MEPE: variants seen among roughly 807,000 people sequenced by gnomAD.
MEPE encodes matrix, extracellular phosphoglycoprotein with ASARM motif (bone).
Under a neutral mutation model 7.3 loss-of-function variants are expected in MEPE, and 7 were observed. The ratio of observed to expected loss-of-function variants is 0.95; its 90% confidence interval spans 0.54 to 1.79. The LOEUF (loss-of-function observed/expected upper bound fraction) is 1.79. MEPE is among the 40% of genes most tolerant of loss of function. The probability of loss-of-function intolerance (pLI) is 0.00; values close to 1 mark genes in which losing one functional copy is unlikely to be tolerated. For missense variants in MEPE, 623 were observed against 628.2 expected (o/e 0.99, Z 0.09); for synonymous variants, 214 against 213.1 (o/e 1.00, Z -0.04).
intron 1 of MEPE, among the ~76,000 whole-genome samples, chr4:87,826,120 T>G (rs989448554): frequency 6.6e-6 from 1 of 152,132 alleles, no homozygotes; most frequent in African/African-American, 2.4e-5. Flanking sequence ...CTTTATCCAG[T>G]ATATCATTGA....
upstream of MEPE, among the ~76,000 whole-genome samples, chr4:87,829,048 G>A (rs940615126): frequency 2.6e-5 from 4 of 152,056 alleles, no homozygotes; most frequent in Non-Finnish European, 5.9e-5. Context: ...TAACCTTTAG[G>A]AAACTTATAT....
intron 3 of MEPE, chr4:87,839,756 G>T: frequency 6.5e-7 from 1 of 1,550,014 alleles, no homozygotes. Context: ...CACCTGAGAA[G>T]AAAAATCAAA....
In MEPE at chr4:87,845,783, G is replaced by A. The variant is rs747671185; in HGVS notation, c.915G>A (p.Glu305=). ...ACACAAAAAAGCCAGGTTATAATGAGATCCCAGAGAGAGAAGAAAATGGTG... is the reference window on the plus strand; with the variant it reads ...ACACAAAAAAGCCAGGTTATAATGAAATCCCAGAGAGAGAAGAAAATGGTG... ...HLDTKKPGYN[E]IPEREENGGN... Residue 305 remains glutamate, a synonymous_variant, in exon 4 of 4, where the codon GAG becomes GAA. Coordinates refer to ENST00000361056, the MANE Select transcript of MEPE (RefSeq NM_020203.6). 2 of 1,614,014 alleles carry A rather than the reference G, an allele frequency of 1.2e-6. No homozygotes were observed. Among genetic ancestry groups the A allele is most frequent in the South Asian group, 2.2e-5 (2 of 91,074 alleles).
Position 87,843,400 on chromosome 4 carries a change from C to G in MEPE, c.109-1577C>G, listed in dbSNP as rs368647006. 3.9e-4 allele frequency among the ~76,000 whole-genome samples: 59 copies of G among 152,270 alleles called. 1 individual carries two copies. The highest frequency in any genetic ancestry group is 1.3e-3 in the African/African-American group (53 of 41,550). The stretch of plus-strand genomic sequence containing the variant: ...TGCCTCACAGACCTTCCCCCACCCT[C>G]CATACCCCTCAGGATCACTGCCTTT... On this transcript the variant is annotated intron_variant, in intron 3 of 3. Transcript: ENST00000361056.
intron 2 of MEPE, among the ~76,000 whole-genome samples, chr4:87,838,370 C>T (rs1332581425): frequency 3.3e-5 from 5 of 152,112 alleles, no homozygotes; most frequent in Non-Finnish European, 5.9e-5. Context: ...ACCCACTTAG[C>T]GGTTGTCTGA....
intron 3 of MEPE, among the ~76,000 whole-genome samples, chr4:87,840,327 G>A (rs2110006035): frequency 6.6e-6 from 1 of 152,226 alleles, no homozygotes; most frequent in Middle Eastern, 3.4e-3. Flanking sequence ...GTCCCTTCTT[G>A]TAGATTCATC....
At chr4:87,839,585 C>A in intron 3 of MEPE, 2 of 804,692 alleles carry the variant, frequency 2.5e-6, no homozygotes, top group Non-Finnish European at 4.0e-6. Context: ...TAGAATTCAA[C>A]TTCACCCAAC....
chr4:87,825,411 G>A (rs75701603), intron 1 of MEPE, among the ~76,000 whole-genome samples: 3,502 of 152,186 alleles, frequency 0.023, 131 homozygotes, highest in African/African-American at 0.079. Context: ...AATTACACCC[G>A]GGGTATGTCT....
chr4:87,840,048 A>T, intron 3 of MEPE: 1 of 1,535,158 alleles, frequency 6.5e-7, no homozygotes. Context: ...ATACTCATGG[A>T]CCTCAGGTGC....
chr4:87,846,532 C>A lies in MEPE; in HGVS notation c.*86C>A. 7.0e-7 allele frequency: 1 copy of A among 1,437,002 alleles called. No homozygotes were observed. Among genetic ancestry groups the A allele is most frequent in the South Asian group, 1.4e-5 (1 of 73,844 alleles). 89.0% of individuals were successfully genotyped at this position (1,437,002 alleles called of 1,614,324 possible). On this transcript the variant is annotated 3_prime_UTR_variant, in exon 4 of 4. Transcript: ENST00000361056. ...AGAGGAGAGCCACCTGACAGCTGACCAGGTGAAGAGAGGATAGAGTGAAGA... is the reference window on the plus strand; with the variant it reads ...AGAGGAGAGCCACCTGACAGCTGACAAGGTGAAGAGAGGATAGAGTGAAGA...
At chr4:87,842,793 A>G (rs916918608) in intron 3 of MEPE, among the ~76,000 whole-genome samples, 3 of 152,242 alleles carry the variant, frequency 2.0e-5, no homozygotes, top group African/African-American at 7.2e-5. Flanking sequence ...AAATATTACA[A>G]CTATGTATAA....
intron 1 of MEPE, chr4:87,821,621 G>C (rs963641176): frequency 6.6e-6 from 1 of 152,206 alleles, no homozygotes; most frequent in South Asian, 2.1e-4. Flanking sequence ...TATGTGTGCT[G>C]TTTTTGGTCA....
chr4:87,846,717 G>C lies in MEPE; in HGVS notation c.*271G>C. 2.7e-6 allele frequency: 1 copy of C among 365,034 alleles called. No individual in the cohort carries two copies. Among genetic ancestry groups the C allele is most frequent in the Non-Finnish European group, 4.9e-6 (1 of 203,638 alleles). The allele number at this position is 365,034 out of a possible 1,614,324, so 22.6% of individuals were successfully genotyped here. A position where few individuals can be genotyped will look rare whatever the true frequency, so the allele number is the denominator to read the frequency against. ...TTTGAGTAGGTGTCATTTAAAAATA[G>C]TTGGTGAATGTCACAAATGCCTTCT... On this transcript the variant is annotated 3_prime_UTR_variant, in exon 4 of 4. Coordinates refer to ENST00000361056, the MANE Select transcript of MEPE (RefSeq NM_020203.6).
At chr4:87,837,969 C>T (rs1722863817) in intron 2 of MEPE, among the ~76,000 whole-genome samples, 1 of 152,138 alleles carries the variant, frequency 6.6e-6, no homozygotes, top group Non-Finnish European at 1.5e-5. Flanking sequence ...CTACCCCTCA[C>T]CCTACGCTAC....
Position 87,846,626 on chromosome 4 carries a change from T to C in MEPE, c.*180T>C. ...CTATCTTAATAGTCACAGTATAAAA[T>C]TCTATTAAAGGCTATAATGTTTTTA... On this transcript the variant is annotated 3_prime_UTR_variant, in exon 4 of 4. Transcript: ENST00000361056. The C allele has an allele frequency of 1.7e-6, 1 of 595,172 alleles. No individual in the cohort carries two copies. Among genetic ancestry groups the C allele is most frequent in the Non-Finnish European group, 2.8e-6 (1 of 355,898 alleles). The allele number at this position is 595,172 out of a possible 1,614,324, so 36.9% of individuals were successfully genotyped here. A position where few individuals can be genotyped will look rare whatever the true frequency, so the allele number is the denominator to read the frequency against.
intron 3 of MEPE, among the ~76,000 whole-genome samples, chr4:87,839,331 T>C (rs1271827422): frequency 6.6e-6 from 1 of 152,210 alleles, no homozygotes; most frequent in Non-Finnish European, 1.5e-5. Flanking sequence ...ACATGAATAT[T>C]GTAAATCCTG....
At chr4:87,823,849 TGAA>T (rs1334322022) in intron 1 of MEPE, among the ~76,000 whole-genome samples, 1 of 152,180 alleles carries the variant, frequency 6.6e-6, no homozygotes, top group Non-Finnish European at 1.5e-5. Context: ...AAGTAAACCA[TGAA>T]GCAATGACTT....
At chr4:87,825,908 A>G (rs1038170384) in intron 1 of MEPE, among the ~76,000 whole-genome samples, 2 of 151,584 alleles carry the variant, frequency 1.3e-5, no homozygotes, top group Admixed American at 1.3e-4. Context: ...TCATTATTCA[A>G]CTCCCACTTA....
chr4:87,846,258 A>C lies in MEPE; in HGVS notation c.1390A>C (p.Thr464Pro). 1 of 1,614,110 alleles carries C rather than the reference A, an allele frequency of 6.2e-7. No individual in the cohort carries two copies. Among genetic ancestry groups the C allele is most frequent in the Non-Finnish European group, 8.5e-7 (1 of 1,179,984 alleles). The change falls in exon 4 of 4, where the codon ACA becomes CCA. Residue 464 changes from threonine to proline, a missense_variant. Transcript: ENST00000361056. ...FNGPSHENII[T>P]HGRKYHYVPH... is the part of the protein sequence containing the mutation. ...TGGCCCCAGTCATGAGAATATAATAACACATGGCAGAAAATATCATTATGT... is the reference window on the plus strand; with the variant it reads ...TGGCCCCAGTCATGAGAATATAATACCACATGGCAGAAAATATCATTATGT...
Sources: allele counts gnomAD v4.1 joint callset (sites outside exome capture counted in the v4.1 genomes callset), GRCh38; gene constraint gnomAD v4.1.1; transcripts MANE v1.5; gene names NCBI Gene and HGNC (gene_info 2026-07-23, HGNC 2026-07-21).